WDFY3: variants seen among roughly 807,000 people sequenced by gnomAD.
The protein encoded by WDFY3 is WD repeat and FYVE domain-containing protein 3.
A neutral mutation model predicts 409.6 loss-of-function variants in WDFY3; 66 were observed. The ratio of observed to expected loss-of-function variants is 0.16; its 90% CI spans 0.13 to 0.20. The LOEUF (loss-of-function observed/expected upper bound fraction) is 0.20, where lower values mean the gene tolerates loss of function less well. Among genes scored for constraint, WDFY3 ranks in the 10% least tolerant of loss-of-function variants. WDFY3 has a pLI of 1.00. For synonymous variants in WDFY3, 1,521 were observed against 1,537.1 expected (o/e 0.99, Z 0.25); for missense variants, 3,031 against 4,298.1 (o/e 0.71, Z 8.24).
chr4:84,847,452 T>C (rs1181050935), intron 5 of WDFY3, among the ~76,000 whole-genome samples: 1 of 151,766 alleles, frequency 6.6e-6, no homozygotes, highest in Non-Finnish European at 1.5e-5. Context: ...AGATTATTTA[T>C]GGAGACAAAA....
At chr4:84,841,108 T>C (rs750634688) in intron 6 of WDFY3, 46 bp downstream of exon 6, 6 of 1,438,058 alleles carry the variant, frequency 4.2e-6, no homozygotes, top group Non-Finnish European at 5.7e-6. Context: ...AGAGAGGCTA[T>C]AAAATAAAGA....
intron 2 of WDFY3, among the ~76,000 whole-genome samples, chr4:84,903,560 T>G (rs953969616): frequency 6.6e-5 from 10 of 152,108 alleles, no homozygotes; most frequent in African/African-American, 2.4e-4. Context: ...TTTCAAGTAA[T>G]CCGCCTGCCT....
rs1431199038 is a variant in WDFY3, at chr4:84,787,548, T to C, written c.3835A>G (p.Asn1279Asp). ...HFLEEVLPSS[N>D]VTTIYELGPN... ...CCAAGTTCATAAATGGTAGTAACAT[T>C]TGAAGAAGGTAAAACTTCTTCTAGA... is the stretch of plus-strand genomic sequence containing the variant. The change falls in exon 23 of 68, where the codon AAT (asparagine) becomes GAT (aspartate). Residue 1279 changes from asparagine (N) to aspartate (D), a missense_variant. Physicochemically the swap from Asn to Asp is conservative, Grantham distance 23. Around this residue, in one of 16 missense-constraint regions of WDFY3, gnomAD observed 1,322 missense variants for 1,697.9 expected, o/e 0.78. Coordinates refer to ENST00000295888, the MANE Select transcript of WDFY3 (RefSeq NM_014991.6). 1.2e-6 allele frequency: 2 copies of C among 1,614,180 alleles called. No homozygotes were observed. Among genetic ancestry groups the C allele is most frequent in the Non-Finnish European group, 1.7e-6 (2 of 1,180,036 alleles).
chr4:84,796,782 T>C (rs1749524925), intron 18 of WDFY3, 30 bp from the exon 19 acceptor site: 2 of 1,547,638 alleles, frequency 1.3e-6, no homozygotes, highest in Non-Finnish European at 1.8e-6. Flanking sequence ...CTTGGGAAAA[T>C]GTCATATGGA....
intron 36 of WDFY3, among the ~76,000 whole-genome samples, chr4:84,744,599 ATC>A: frequency 6.6e-6 from 1 of 152,120 alleles, no homozygotes; most frequent in Middle Eastern, 3.4e-3. Context: ...CACGCCTGTA[ATC>A]CCAGCACTTT....
intron 16 of WDFY3, among the ~76,000 whole-genome samples, chr4:84,802,442 G>T (rs1345023047): frequency 6.6e-6 from 1 of 151,424 alleles, no homozygotes; most frequent in East Asian, 2.0e-4. Flanking sequence ...TGCATTTTTT[G>T]TATTTTTAGT....
chr4:84,777,192 G>C (rs1289066013), intron 27 of WDFY3, among the ~76,000 whole-genome samples: 1 of 151,998 alleles, frequency 6.6e-6, no homozygotes, highest in African/African-American at 2.4e-5. Context: ...TTAAGGTGTT[G>C]GTGGGACAGT....
intron 2 of WDFY3, among the ~76,000 whole-genome samples, chr4:84,922,604 A>C (rs1406745184): frequency 6.6e-6 from 1 of 152,042 alleles, no homozygotes; most frequent in African/African-American, 2.4e-5. Context: ...CAGTACAGGA[A>C]GACATTTTTT....
At chr4:84,705,645 G>A (rs1578193403) in intron 53 of WDFY3, 134 bp from the exon 54 acceptor site, 6 of 712,010 alleles carry the variant, frequency 8.4e-6, no homozygotes, top group Admixed American at 6.8e-5. Flanking sequence ...TGGTATAACT[G>A]GACTCCAAAA....
At chr4:84,880,983 A>G (rs1381290110) in intron 3 of WDFY3, among the ~76,000 whole-genome samples, 1 of 151,734 alleles carries the variant, frequency 6.6e-6, no homozygotes, top group African/African-American at 2.4e-5. Flanking sequence ...TCGGCCTCCC[A>G]GATTGCTGGG....
At chr4:84,929,472 C>A (rs527896724) in intron 2 of WDFY3, among the ~76,000 whole-genome samples, 15 of 150,678 alleles carry the variant, frequency 1.0e-4, no homozygotes, top group African/African-American at 2.9e-4. Flanking sequence ...GAATTGCGCC[C>A]CCCCCCCCAA....
chr4:84,737,514 G>T, intron 40 of WDFY3, 148 bp from the exon 41 acceptor site: 1 of 923,820 alleles, frequency 1.1e-6, no homozygotes, highest in Non-Finnish European at 1.5e-6. Context: ...GTTGTATCTA[G>T]CCCAGTGAAA....
intron 32 of WDFY3, among the ~76,000 whole-genome samples, chr4:84,758,950 G>A (rs1219967199): frequency 6.6e-6 from 1 of 152,164 alleles, no homozygotes; most frequent in Non-Finnish European, 1.5e-5. Context: ...TAACGTTTAA[G>A]TCTTTAATCC....
At chr4:84,755,531 C>T (rs1375597453) in intron 33 of WDFY3, 131 bp from the exon 34 acceptor site, 1 of 995,178 alleles carries the variant, frequency 1.0e-6, no homozygotes, top group East Asian at 2.8e-5. Flanking sequence ...ATGATATAGA[C>T]ATAAAGAACT....
In WDFY3 at chr4:84,688,098, G is replaced by T; in HGVS notation, c.9531C>A (p.Ile3177=). ...ATTTACTACTTACTGTTAATTCATT[G>T]ATACAAAGAGCAGAAACTGGAGCTC... ...GHRAPVSALC[I]NELTGDIVSC... Residue 3177 remains isoleucine, a synonymous_variant, in exon 62 of 68, where the codon ATC becomes ATA. Transcript: ENST00000295888. 1 of 1,613,634 alleles carries T rather than the reference G, an allele frequency of 6.2e-7. No homozygotes were observed. The highest frequency in any genetic ancestry group is 1.1e-5 in the South Asian group (1 of 91,000).
chr4:84,836,528 CA>C (rs1756598696), intron 7 of WDFY3, among the ~76,000 whole-genome samples: 1 of 151,996 alleles, frequency 6.6e-6, no homozygotes, highest in Non-Finnish European at 1.5e-5. Flanking sequence ...ACTGTCTTTA[CA>C]AGTGAAATAT....
intron 4 of WDFY3, among the ~76,000 whole-genome samples, chr4:84,855,707 A>G (rs368054190): frequency 2.0e-5 from 3 of 152,348 alleles, no homozygotes; most frequent in East Asian, 1.9e-4. Flanking sequence ...ATAATTTGCT[A>G]TAAATAACAA....
rs564120882 is a variant in WDFY3 at position 84,817,891 on chromosome 4, T to A, written c.1694-306A>T. 2.6e-5 allele frequency among the ~76,000 whole-genome samples: 4 copies of A among 152,280 alleles called. No individual in the cohort carries two copies. The South Asian group carries it at 8.3e-4, about 32-fold the overall frequency. On this transcript the variant is annotated intron_variant, in intron 12 of 67. Coordinates refer to ENST00000295888, the MANE Select transcript of WDFY3 (RefSeq NM_014991.6). The stretch of plus-strand genomic sequence containing the variant: ...CTTAGGCAGACCCTAGGAGACTCTC[T>A]ATTGTAATCAACTTATGTAAAAGGC...
intron 67 of WDFY3, among the ~76,000 whole-genome samples, chr4:84,675,649 A>G (rs1726145944): frequency 6.6e-6 from 1 of 152,204 alleles, no homozygotes; most frequent in South Asian, 2.1e-4. Flanking sequence ...CATACCAGTA[A>G]GCCAATGCTG....
Sources: allele counts gnomAD v4.1 joint callset (sites outside exome capture counted in the v4.1 genomes callset), GRCh38; gene constraint gnomAD v4.1.1; regional missense constraint gnomAD v4.1.1; transcripts MANE v1.5; gene names NCBI Gene and HGNC (gene_info 2026-07-23, HGNC 2026-07-21).